The following LIPI variants were observed in gnomAD, a reference collection of about 807,000 sequenced individuals.
LIPI encodes the protein lipase I, also known as lipase member I.
In LIPI, 59 loss-of-function variants were observed where a neutral mutation model predicts 50.6. The observed-to-expected ratio is 1.16, with a 90% confidence interval of 0.94 to 1.45. The LOEUF (loss-of-function observed/expected upper bound fraction) is 1.45, where lower values mean the gene tolerates loss of function less well. Ranked by LOEUF, LIPI falls within the 40% of genes most tolerant of loss-of-function variation. The probability of loss-of-function intolerance (pLI) is 0.00; values close to 1 mark genes in which losing one functional copy is unlikely to be tolerated. For synonymous variants in LIPI, 203 were observed against 178.2 expected (o/e 1.14, Z -1.11); for missense variants, 586 against 536.3 (o/e 1.09, Z -0.92).
At chr21:14,170,431 A>C (rs1257404369) in intron 4 of LIPI, among the ~76,000 whole-genome samples, 1 of 152,192 alleles carries the variant, frequency 6.6e-6, no homozygotes, top group Admixed American at 6.5e-5. Flanking sequence ...TTTTAGACCA[A>C]TATCCTTGAT....
chr21:14,189,858 TC>T (rs2019607455), intron 1 of LIPI, among the ~76,000 whole-genome samples: 2 of 151,974 alleles, frequency 1.3e-5, no homozygotes, highest in Non-Finnish European at 2.9e-5. Flanking sequence ...AGTAATATTT[TC>T]CCCATAAAAT....
At chr21:14,122,696 A>C in intron 9 of LIPI, among the ~76,000 whole-genome samples, 1 of 152,196 alleles carries the variant, frequency 6.6e-6, no homozygotes, top group South Asian at 2.1e-4. Flanking sequence ...TTGCCAGCCA[A>C]AAAGCAAAGA....
At chr21:14,166,266 C>G in intron 5 of LIPI, 96 bp downstream of exon 5, 1 of 800,778 alleles carries the variant, frequency 1.2e-6, no homozygotes, top group Non-Finnish European at 2.2e-6. Flanking sequence ...ATGATGAAAT[C>G]AAAACACTGC....
intron 7 of LIPI, among the ~76,000 whole-genome samples, chr21:14,155,351 T>C (rs180793701): frequency 5.5e-3 from 842 of 151,922 alleles, no homozygotes; most frequent in Non-Finnish European, 8.9e-3. Context: ...GGGACTATAA[T>C]AAAAGATGTA....
chr21:14,193,912 G>A (rs115898605), intron 1 of LIPI, among the ~76,000 whole-genome samples: 1,945 of 152,106 alleles, frequency 0.013, 34 homozygotes, highest in African/African-American at 0.044. Flanking sequence ...ATTAATATCA[G>A]AATATTATAA....
intron 1 of LIPI, among the ~76,000 whole-genome samples, chr21:14,191,103 A>T (rs553701532): frequency 6.6e-6 from 1 of 151,888 alleles, no homozygotes; most frequent in Non-Finnish European, 1.5e-5. Flanking sequence ...AATTAGCCAG[A>T]CATGGTGGTG....
At chr21:14,191,812 T>C (rs766347863) in intron 1 of LIPI, among the ~76,000 whole-genome samples, 36 of 152,268 alleles carry the variant, frequency 2.4e-4, no homozygotes, top group Non-Finnish European at 4.0e-4. Context: ...AATCAGCTTG[T>C]GTATGTGGGC....
intron 3 of LIPI, among the ~76,000 whole-genome samples, chr21:14,184,179 A>G (rs2019373310): frequency 1.3e-5 from 2 of 152,184 alleles, no homozygotes; most frequent in Non-Finnish European, 2.9e-5. Context: ...CTTTGTAGGG[A>G]CATGAATGAA....
intron 9 of LIPI, among the ~76,000 whole-genome samples, chr21:14,110,644 G>A (rs111238502): frequency 6.6e-6 from 1 of 151,504 alleles, no homozygotes; most frequent in African/African-American, 2.4e-5. Flanking sequence ...CCTCCCAACT[G>A]CCCAGCCTCT....
chr21:14,116,903 G>A (rs2016666385), intron 9 of LIPI, among the ~76,000 whole-genome samples: 1 of 152,186 alleles, frequency 6.6e-6, no homozygotes, highest in African/African-American at 2.4e-5. Flanking sequence ...CCCCGCCAGA[G>A]GAGCTAGAGA....
chr21:14,111,002 G>A lies in LIPI; in HGVS notation c.1296-1922C>T, dbSNP rs530698093. 2.7e-5 allele frequency among the ~76,000 whole-genome samples: 4 copies of A among 148,842 alleles called. No individual in the cohort carries two copies. The South Asian group carries it at 8.5e-4, about 32-fold the overall frequency. On this transcript the variant is annotated intron_variant, in intron 9 of 9. Transcript: ENST00000681601. ...AGCTTCATCCACTATTGAAATCTTA[G>A]TTTTATTTTTTATCTTGGTTATAGT...
chr21:14,168,246 C>T (rs1373006704), intron 4 of LIPI, among the ~76,000 whole-genome samples: 1 of 152,112 alleles, frequency 6.6e-6, no homozygotes, highest in African/African-American at 2.4e-5. Context: ...GATTGGTGTA[C>T]CTGAAAGTGA....
At chr21:14,163,688 A>G (rs567102248) in intron 6 of LIPI, among the ~76,000 whole-genome samples, 165 bp from the exon 7 acceptor site, 4 of 144,014 alleles carry the variant, frequency 2.8e-5, no homozygotes, top group South Asian at 4.3e-4. Flanking sequence ...CATTCCATTT[A>G]TTTTAATTAC....
intron 4 of LIPI, among the ~76,000 whole-genome samples, chr21:14,180,632 G>C (rs373294383): frequency 3.3e-5 from 5 of 152,330 alleles, no homozygotes; most frequent in Admixed American, 2.6e-4. Flanking sequence ...GTGCCAAGCT[G>C]ATATAAAGAG....
chr21:14,162,964 T>C (rs900295054), intron 7 of LIPI, among the ~76,000 whole-genome samples: 2 of 151,652 alleles, frequency 1.3e-5, no homozygotes, highest in African/African-American at 4.8e-5. Context: ...TCTATGAGAT[T>C]CTCTCTTCTT....
At chr21:14,209,357 C>T (rs1191625606) in intron 1 of LIPI, among the ~76,000 whole-genome samples, 1 of 152,052 alleles carries the variant, frequency 6.6e-6, no homozygotes, top group Non-Finnish European at 1.5e-5. Context: ...GAAACATGCC[C>T]TCCTTGAGGT....
At chr21:14,166,146 T>C (rs1177669920) in intron 5 of LIPI, among the ~76,000 whole-genome samples, 1 of 152,170 alleles carries the variant, frequency 6.6e-6, no homozygotes, top group African/African-American at 2.4e-5. Context: ...AAATATAATA[T>C]AAGAGGTCTC....
At chr21:14,192,741 C>T (rs1424578424) in intron 1 of LIPI, among the ~76,000 whole-genome samples, 1 of 152,054 alleles carries the variant, frequency 6.6e-6, no homozygotes, top group Non-Finnish European at 1.5e-5. Flanking sequence ...CCTAGAATTC[C>T]ATATCCAACA....
At chr21:14,182,486 A>C (rs1307833496) in intron 3 of LIPI, among the ~76,000 whole-genome samples, 1 of 152,208 alleles carries the variant, frequency 6.6e-6, no homozygotes, top group Admixed American at 6.5e-5. Flanking sequence ...AGAGAAGATA[A>C]AATTCAGTTT....
Sources: allele counts gnomAD v4.1 joint callset (sites outside exome capture counted in the v4.1 genomes callset), GRCh38; gene constraint gnomAD v4.1.1; transcripts MANE v1.5; gene names NCBI Gene and HGNC (gene_info 2026-07-23, HGNC 2026-07-21).